Variants in LYPD3 observed in about 807,000 individuals in gnomAD.
The protein encoded by LYPD3 is LY6/PLAUR domain containing 3, also known as ly6/PLAUR domain-containing protein 3.
A neutral mutation model predicts 21.7 loss-of-function variants in LYPD3; 22 were observed. That is an observed-to-expected ratio of 1.01 (90% CI 0.72 to 1.45). LYPD3 has a LOEUF of 1.45. Ranked by LOEUF, LYPD3 falls within the 40% of genes most tolerant of loss-of-function variation. The pLI is 0.00. For missense variants in LYPD3, 471 were observed against 466.9 expected, an observed-to-expected ratio of 1.01 and a Z score of -0.08; for synonymous variants, 179 against 203.0, an observed-to-expected ratio of 0.88 and a Z score of 1.00.
rs117472855 is a variant in LYPD3, at chr19:43,465,600, C to T, written c.-29G>A. ...TCCGTCCTGCTCCCTTGGCGTCCCC[C>T]CTGGATGTGCCGCCTCCGAGCTCGG... On this transcript the variant is annotated 5_prime_UTR_variant, in exon 1 of 5. Transcript: ENST00000244333. 4.3e-4 allele frequency: 692 copies of T among 1,599,882 alleles called. 5 individuals are homozygous for T. The East Asian group carries it at 0.012, about 27-fold the overall frequency.
Position 43,464,459 on chromosome 19 carries a change from G to T in LYPD3, c.80-3C>A, listed in dbSNP as rs200281794. On this transcript the variant is annotated splice_region_variant and splice_polypyrimidine_tract_variant and intron_variant, in intron 1 of 4. Transcript: ENST00000244333. The stretch of plus-strand genomic sequence containing the variant: ...GTAGCACTCCAGGGCCTGCGCTCCT[G>T]GGGGAGCGGAGCCGAATAGACCTGA... 1.2e-6 allele frequency: 2 copies of T among 1,613,896 alleles called. No individual in the cohort carries two copies. The highest frequency in any genetic ancestry group is 1.3e-5 in the African/African-American group (1 of 75,050).
Position 43,461,388 on chromosome 19 carries a change from G to A in LYPD3, c.1004C>T (p.Ala335Val). Residue 335 changes from alanine to valine, a missense_variant, in exon 5 of 5, where the codon GCC (alanine) becomes GTC (valine). Coordinates refer to ENST00000244333, the MANE Select transcript of LYPD3 (RefSeq NM_014400.3). ...ACCAGCAGCCACGGCCAACAGAAGG[G>A]CTGCCAATCCAGCTGTGGGAGCCAC... ...GCVAPTAGLA[A>V]LLLAVAAGVL... 1.2e-6 allele frequency: 2 copies of A among 1,610,098 alleles called. No homozygotes were observed. Among genetic ancestry groups the A allele is most frequent in the Non-Finnish European group, 1.7e-6 (2 of 1,177,252 alleles).
chr19:43,462,836 A>G (rs2122415051), intron 4 of LYPD3, among the ~76,000 whole-genome samples: 1 of 152,328 alleles, frequency 6.6e-6, no homozygotes, highest in East Asian at 1.9e-4. Context: ...GTGCCTGGGC[A>G]GAAGCTTAGA....
rs1568467542 is a variant in LYPD3, at chr19:43,463,180, C to A, written c.490G>T (p.Ala164Ser). 1.2e-6 allele frequency: 2 copies of A among 1,611,996 alleles called. No individual in the cohort carries two copies. Among genetic ancestry groups the A allele is most frequent in the South Asian group, 1.1e-5 (1 of 91,090 alleles). Residue 164 changes from alanine (A) to serine (S), a missense_variant, in exon 4 of 5, where the codon GCC (alanine) becomes TCC (serine). Ala to Ser is a moderately conservative substitution (Grantham distance 99, BLOSUM62 1). Coordinates refer to ENST00000244333, the MANE Select transcript of LYPD3 (RefSeq NM_014400.3). ...TSPPVVSCYN[A>S]SDHVYKGCFD... ...CAGCCCTTGTAGACATGATCGCTGG[C>A]GTTGTAGCAGCTCACGACCGGCGGC...
In LYPD3 at chr19:43,461,429, G is replaced by A; in HGVS notation, c.963C>T (p.Pro321=). Residue 321 remains proline, a synonymous_variant, in exon 5 of 5, where the codon CCC becomes CCT. Coordinates refer to ENST00000244333, the MANE Select transcript of LYPD3 (RefSeq NM_014400.3). ...QYPAKGGPQQ[P]HNKGCVAPTA... is the part of the protein sequence containing the mutation. Reference sequence around the variant, plus strand: ...TGGGAGCCACACAGCCTTTATTATGGGGCTGCTGGGGCCCCCCTTTTGCAG... The same window carrying A: ...TGGGAGCCACACAGCCTTTATTATGAGGCTGCTGGGGCCCCCCTTTTGCAG... The A allele has an allele frequency of 6.2e-7, 1 of 1,614,136 alleles. No individual in the cohort carries two copies. The highest frequency in any genetic ancestry group is 2.2e-5 in the East Asian group (1 of 44,880).
At position 43,461,030 on chromosome 19, in the gene LYPD3, G is replaced by A. The variant is rs1163840228; in HGVS notation, c.*321C>T. ...TAGGAGAAAGTGAGTAGGAAGCTTA[G>A]CATCCTCTCTCTCACCTTCCCCGTG... is the stretch of plus-strand genomic sequence containing the variant. On this transcript the variant is annotated 3_prime_UTR_variant, in exon 5 of 5. Transcript: ENST00000244333. 3 of 276,102 alleles carry A rather than the reference G, an allele frequency of 1.1e-5. No individual in the cohort carries two copies. The highest frequency in any genetic ancestry group is 1.4e-5 in the Non-Finnish European group (2 of 145,102). The allele number at this position is 276,102 out of a possible 1,614,324, so 17.1% of individuals were successfully genotyped here.
In LYPD3 at chr19:43,465,283, C is replaced by T. The variant is rs10408009; in HGVS notation, c.79+210G>A. 3.1e-3 allele frequency among the ~76,000 whole-genome samples: 470 copies of T among 152,282 alleles called. 4 individuals are homozygous for T. The highest frequency in any genetic ancestry group is 0.011 in the African/African-American group (450 of 41,560). The stretch of plus-strand genomic sequence containing the variant: ...GGATAGGAAAATTTTGCCCACAGCT[C>T]CCCTTGTCCGTGGTGGGGAACCCTT... On this transcript the variant is annotated intron_variant, in intron 1 of 4. Coordinates refer to ENST00000244333, the MANE Select transcript of LYPD3 (RefSeq NM_014400.3).
intron 4 of LYPD3, 107 bp from the exon 5 acceptor site, chr19:43,461,954 T>TGAGCCACCACGCCC: frequency 7.9e-7 from 1 of 1,264,122 alleles, no homozygotes; most frequent in African/African-American, 1.5e-5. Context: ...TGACCGGGCG[T>TGAGCCACCACGCCC]GGTGGCTCAC....
In LYPD3 at chr19:43,464,305, G is replaced by A. The variant is rs1019330495; in HGVS notation, c.211+20C>T. On this transcript the variant is annotated intron_variant, in intron 2 of 4. Coordinates refer to ENST00000244333, the MANE Select transcript of LYPD3 (RefSeq NM_014400.3). ...GGAGGAGCCTGCAGTGGTGTGCGTGGCCCGGGGGTCCCCACTCACTGGTCT... is the reference window on the plus strand; with the variant it reads ...GGAGGAGCCTGCAGTGGTGTGCGTGACCCGGGGGTCCCCACTCACTGGTCT... 14 of 1,587,656 alleles carry A rather than the reference G, an allele frequency of 8.8e-6. No homozygotes were observed. Among genetic ancestry groups the A allele is most frequent in the Non-Finnish European group, 1.1e-5 (13 of 1,168,192 alleles).
In LYPD3 at chr19:43,465,566, G is replaced by C. The variant is rs755517527; in HGVS notation, c.6C>G (p.Asp2Glu). 128 of 1,609,910 alleles carry C rather than the reference G, an allele frequency of 8.0e-5. No individual in the cohort carries two copies. Among genetic ancestry groups the C allele is most frequent in the Non-Finnish European group, 1.1e-4 (124 of 1,179,950 alleles). M[D>E]PARKAGAQAM... The stretch of plus-strand genomic sequence containing the variant: ...CCTGGGCACCTGCTTTCCTGGCGGG[G>C]TCCATGGCTCCGTCCTGCTCCCTTG... The change falls in exon 1 of 5, where the codon GAC (aspartate) becomes GAG (glutamate). Residue 2 changes from aspartate (D) to glutamate (E), a missense_variant. Physicochemically the swap from Asp to Glu is conservative, Grantham distance 45. Transcript: ENST00000244333.
rs1265602762 is a variant in LYPD3 at position 43,461,018 on chromosome 19, G to A, written c.*333C>T. ...GTCCAGGCTGGCTAGGAGAAAGTGA[G>A]TAGGAAGCTTAGCATCCTCTCTCTC... On this transcript the variant is annotated 3_prime_UTR_variant, in exon 5 of 5. Transcript: ENST00000244333. 1 of 251,364 alleles carries A rather than the reference G, an allele frequency of 4.0e-6. No individual in the cohort carries two copies. The highest frequency in any genetic ancestry group is 8.5e-5 in the East Asian group (1 of 11,712). The allele number at this position is 251,364 out of a possible 1,614,324, so 15.6% of individuals were successfully genotyped here. A position where few individuals can be genotyped will look rare whatever the true frequency, so the allele number is the denominator to read the frequency against.
In LYPD3 at chr19:43,463,610, AGC is replaced by A. The variant is rs1157350591; in HGVS notation, c.369_370del (p.Leu124ArgfsTer5). On this transcript the variant is annotated frameshift_variant, in exon 3 of 5. Transcript: ENST00000244333. LOFTEE classifies it high-confidence loss of function. ...CGGCCCCCACGGACCTGCCGGGTCG[AGC>A]GCCCGCGAGGTGAGGTTGAGCTTGG... is the stretch of plus-strand genomic sequence containing the variant. The A allele has an allele frequency of 6.2e-7, 1 of 1,601,146 alleles. No individual in the cohort carries two copies. The highest frequency in any genetic ancestry group is 8.5e-7 in the Non-Finnish European group (1 of 1,179,704).
chr19:43,461,446 C>A lies in LYPD3; in HGVS notation c.946G>T (p.Gly316Trp), dbSNP rs199626989. 4 of 1,614,184 alleles carry A rather than the reference C, an allele frequency of 2.5e-6. No homozygotes were observed. Among genetic ancestry groups the A allele is most frequent in the Non-Finnish European group, 3.4e-6 (4 of 1,180,024 alleles). Residue 316 changes from glycine (G) to tryptophan (W), a missense_variant, in exon 5 of 5, where the codon GGG becomes TGG. Transcript: ENST00000244333. ...TTATTATGGGGCTGCTGGGGCCCCCCTTTTGCAGGATACTGCCCTGAATTG... is the reference window on the plus strand; with the variant it reads ...TTATTATGGGGCTGCTGGGGCCCCCATTTTGCAGGATACTGCCCTGAATTG... ...RSNSGQYPAK[G>W]GPQQPHNKGC...
rs1440419589 is a variant in LYPD3 at position 43,461,402 on chromosome 19, T to C, written c.990A>G (p.Thr330=). The stretch of plus-strand genomic sequence containing the variant: ...CCAACAGAAGGGCTGCCAATCCAGC[T>C]GTGGGAGCCACACAGCCTTTATTAT... ...QPHNKGCVAP[T]AGLAALLLAV... The change falls in exon 5 of 5, where the codon ACA becomes ACG. Residue 330 remains threonine, a synonymous_variant. Transcript: ENST00000244333. 5.0e-6 allele frequency: 8 copies of C among 1,612,252 alleles called. No homozygotes were observed. The highest frequency in any genetic ancestry group is 5.9e-6 in the Non-Finnish European group (7 of 1,178,540).
intron 3 of LYPD3, 138 bp downstream of exon 3, chr19:43,463,461 G>A: frequency 7.3e-7 from 1 of 1,372,286 alleles, no homozygotes; most frequent in Non-Finnish European, 1.0e-6. Flanking sequence ...CCCTCCTGCT[G>A]CCTCTTGGCC....
chr19:43,464,123 C>T lies in LYPD3; in HGVS notation c.211+202G>A, dbSNP rs905494505. On this transcript the variant is annotated intron_variant, in intron 2 of 4. Transcript: ENST00000244333. Reference sequence around the variant, plus strand: ...CTCCCCGTCCGCCCCACCCAGTTCTCAACTCTCTGCTCCTCGCGCTTGTAA... The same window carrying T: ...CTCCCCGTCCGCCCCACCCAGTTCTTAACTCTCTGCTCCTCGCGCTTGTAA... 4 of 771,100 alleles carry T rather than the reference C, an allele frequency of 5.2e-6. No homozygotes were observed. The South Asian group carries it at 7.4e-5, about 14-fold the overall frequency. The allele number at this position is 771,100 out of a possible 1,614,324, so 47.8% of individuals were successfully genotyped here.
Position 43,463,710 on chromosome 19 carries a change from C to T in LYPD3, c.271G>A (p.Asp91Asn). Residue 91 changes from aspartate to asparagine, a missense_variant, in exon 3 of 5, where the codon GAC becomes AAC. Transcript: ENST00000244333. ...AGCCCGTGAAGATCCAGGCCGCGGT[C>T]ATTCTTGCCGGGGAGTCCCGAACCG... ...GCGSGLPGKN[D>N]RGLDLHGLLA... 6.2e-7 allele frequency: 1 copy of T among 1,613,146 alleles called. No homozygotes were observed. Among genetic ancestry groups the T allele is most frequent in the Non-Finnish European group, 8.5e-7 (1 of 1,180,044 alleles).
At position 43,461,769 on chromosome 19, in the gene LYPD3, C is replaced by T; in HGVS notation, c.623G>A (p.Gly208Glu). The change falls in exon 5 of 5, where the codon GGG (glycine) becomes GAG (glutamate). Residue 208 changes from glycine to glutamate, a missense_variant. Gly to Glu is a moderately conservative substitution (Grantham distance 98). Coordinates refer to ENST00000244333, the MANE Select transcript of LYPD3 (RefSeq NM_014400.3). ...FCTRDGVTGP[G>E]FTLSGSCCQG... ...GCAACAGGAGCCACTGAGCGTGAAC[C>T]CTGGGCCTGTTACTCCATCCCGAGT... The T allele has an allele frequency of 6.2e-7, 1 of 1,614,102 alleles. No individual in the cohort carries two copies. The highest frequency in any genetic ancestry group is 8.5e-7 in the Non-Finnish European group (1 of 1,180,012).
chr19:43,463,562 G>A (rs1465358131), intron 3 of LYPD3, 37 bp downstream of exon 3: 2 of 1,593,630 alleles, frequency 1.3e-6, no homozygotes, highest in East Asian at 2.2e-5. Context: ...CCCGAATGTG[G>A]CTCCGCCCCC....
Sources: gnomAD v4.1 joint callset for allele counts (sites outside exome capture counted in the v4.1 genomes callset) on GRCh38, gnomAD v4.1.1 for gene constraint, MANE v1.5 for transcripts, NCBI Gene and HGNC (gene_info 2026-07-23, HGNC 2026-07-21) for gene names.